Variants in HDAC4 observed in about 807,000 individuals in gnomAD.
HDAC4 encodes histone deacetylase A.
A neutral mutation model predicts 135.1 loss-of-function variants in HDAC4; 16 were observed. The ratio of observed to expected loss-of-function variants is 0.12; its 90% CI spans 0.08 to 0.18. The LOEUF is 0.18. Ranked by LOEUF, HDAC4 falls within the 10% of genes least tolerant of loss-of-function variation. The pLI, the probability that HDAC4 is intolerant of heterozygous loss-of-function variation, is 1.00. For synonymous variants in HDAC4, 685 were observed against 653.4 expected (o/e 1.05, Z -0.74); for missense variants, 1,143 against 1,511.8 (o/e 0.76, Z 4.05).
intron 5 of HDAC4, among the ~76,000 whole-genome samples, chr2:239,172,293 A>AAAAATATATATAT (rs1278028621): frequency 1.7e-5 from 2 of 115,054 alleles, no homozygotes; most frequent in African/African-American, 6.3e-5. Flanking sequence ...GGTGAAAAAA[A>AAAAATATATATAT]ATATATATAT....
rs1270749866 is a variant in HDAC4 at position 239,051,594 on chromosome 2, A to G, written c.*1503T>C. The G allele has an allele frequency of 6.6e-6, 1 of 152,650 alleles. No homozygotes were observed. The highest frequency in any genetic ancestry group is 1.5e-5 in the Non-Finnish European group (1 of 68,046). 9.5% of individuals were successfully genotyped at this position (152,650 alleles called of 1,614,324 possible). A position where few individuals can be genotyped will look rare whatever the true frequency, so the allele number is the denominator to read the frequency against. ...CAACAGCAAATTTATATTCTTTGCT[A>G]TAAAAACTCATTAGGTACATATGTG... On this transcript the variant is annotated 3_prime_UTR_variant, in exon 27 of 27. Coordinates refer to ENST00000543185, the MANE Select transcript of HDAC4 (RefSeq NM_001378414.1).
chr2:239,180,963 C>T (rs999691337), intron 4 of HDAC4, among the ~76,000 whole-genome samples: 23 of 152,236 alleles, frequency 1.5e-4, no homozygotes, highest in African/African-American at 5.1e-4. Context: ...CCCATGGCAG[C>T]GGAAGTGGCC....
At chr2:239,217,811 G>A (rs567607649) in intron 3 of HDAC4, among the ~76,000 whole-genome samples, 16 of 152,260 alleles carry the variant, frequency 1.1e-4, no homozygotes, top group South Asian at 2.1e-4. Context: ...AAACAGGGTC[G>A]GGCACAACAG....
At chr2:239,063,851 C>G (rs528246369) in intron 24 of HDAC4, among the ~76,000 whole-genome samples, 1 of 152,246 alleles carries the variant, frequency 6.6e-6, no homozygotes, top group South Asian at 2.1e-4. Context: ...CTTCCCTGAC[C>G]GCCAGCTCCC....
Position 239,072,288 on chromosome 2 carries a change from G to GT in HDAC4, c.2751-3682dup, listed in dbSNP as rs567556915. ...GCAGAAACATTTTGAAACCCATGCA[G>GT]TTTTTTTCAAAATATGCATTTTCTA... is the stretch of plus-strand genomic sequence containing the variant. On this transcript the variant is annotated intron_variant, in intron 22 of 26. Transcript: ENST00000543185. 1.0e-3 allele frequency among the ~76,000 whole-genome samples: 155 copies of GT among 152,282 alleles called. 1 individual carries two copies. The highest frequency in any genetic ancestry group is 1.8e-3 in the Non-Finnish European group (124 of 68,032).
chr2:239,292,495 C>G (rs746338861), intron 2 of HDAC4, among the ~76,000 whole-genome samples: 1 of 152,208 alleles, frequency 6.6e-6, no homozygotes, highest in Non-Finnish European at 1.5e-5. Flanking sequence ...GACCCCACCA[C>G]TCCAGCGAGA....
intron 6 of HDAC4, among the ~76,000 whole-genome samples, chr2:239,159,744 T>A (rs545389432): frequency 3.9e-5 from 6 of 152,350 alleles, no homozygotes; most frequent in African/African-American, 1.4e-4. Flanking sequence ...CACGGAGCCC[T>A]GAGGGCAGAA....
At chr2:239,280,292 T>C (rs552527199) in intron 2 of HDAC4, among the ~76,000 whole-genome samples, 4 of 152,052 alleles carry the variant, frequency 2.6e-5, no homozygotes, top group Non-Finnish European at 5.9e-5. Flanking sequence ...AGACGCTGTG[T>C]TAAAGAAGGA....
intron 22 of HDAC4, among the ~76,000 whole-genome samples, chr2:239,080,741 G>C (rs1410996194): frequency 3.9e-5 from 6 of 152,218 alleles, no homozygotes; most frequent in African/African-American, 1.4e-4. Context: ...TGCGGAAGAA[G>C]AATTAGGAGA....
chr2:239,353,817 A>G (rs540671236), intron 1 of HDAC4, among the ~76,000 whole-genome samples: 1 of 152,354 alleles, frequency 6.6e-6, no homozygotes, highest in East Asian at 1.9e-4. Flanking sequence ...CACTTTCAGC[A>G]CATTCCCACC....
intron 12 of HDAC4, among the ~76,000 whole-genome samples, chr2:239,120,090 G>A (rs915501826): frequency 4.5e-4 from 68 of 152,328 alleles, no homozygotes; most frequent in African/African-American, 1.6e-3. Context: ...CCGGGACGGG[G>A]AGGTGGGTAG....
chr2:239,360,609 G>C (rs1693797904), intron 1 of HDAC4, among the ~76,000 whole-genome samples: 1 of 152,182 alleles, frequency 6.6e-6, no homozygotes, highest in Admixed American at 6.5e-5. Flanking sequence ...CTCTGGCTTG[G>C]AAAAAAGTAC....
At chr2:239,188,849 C>T (rs1413213502) in intron 4 of HDAC4, among the ~76,000 whole-genome samples, 1 of 152,222 alleles carries the variant, frequency 6.6e-6, no homozygotes, top group Non-Finnish European at 1.5e-5. Context: ...GACCTCAGGC[C>T]TCCTGCCTGC....
At chr2:239,081,253 A>G in intron 21 of HDAC4, 61 bp from the exon 22 acceptor site, 4 of 1,413,766 alleles carry the variant, frequency 2.8e-6, no homozygotes, top group Admixed American at 3.8e-5. Context: ...TCTGACAGGA[A>G]CGCCTGATGC....
intron 12 of HDAC4, among the ~76,000 whole-genome samples, chr2:239,124,414 G>A (rs922164974): frequency 5.9e-5 from 9 of 152,228 alleles, no homozygotes; most frequent in African/African-American, 1.4e-4. Flanking sequence ...GCGGCCTCTC[G>A]TGCCTGGCAT....
intron 2 of HDAC4, among the ~76,000 whole-genome samples, chr2:239,327,574 T>C (rs745347634): frequency 3.9e-5 from 6 of 152,246 alleles, no homozygotes; most frequent in Non-Finnish European, 7.3e-5. Flanking sequence ...TTTATGTGCA[T>C]AGGCAGAAAA....
At chr2:239,172,571 CT>C (rs2043523245) in intron 5 of HDAC4, among the ~76,000 whole-genome samples, 1 of 151,958 alleles carries the variant, frequency 6.6e-6, no homozygotes, top group Non-Finnish European at 1.5e-5. Context: ...GAAATCAATG[CT>C]CTATGTATCT....
chr2:239,121,629 C>A (rs1259891637), intron 12 of HDAC4, among the ~76,000 whole-genome samples: 1 of 152,370 alleles, frequency 6.6e-6, no homozygotes, highest in Admixed American at 6.5e-5. Context: ...AAGTGTCCCC[C>A]GCTGCCGCAC....
At chr2:239,191,206 G>A (rs954080589) in intron 3 of HDAC4, 1 of 342,256 alleles carries the variant, frequency 2.9e-6, no homozygotes, top group African/African-American at 2.2e-5. Flanking sequence ...GCTCAGAGGG[G>A]TGTCTGGGCC....
Sources: gnomAD v4.1 joint callset for allele counts (sites outside exome capture counted in the v4.1 genomes callset) on GRCh38, gnomAD v4.1.1 for gene constraint, MANE v1.5 for transcripts, NCBI Gene and HGNC (gene_info 2026-07-23, HGNC 2026-07-21) for gene names.